The following TWIST2 variants were observed in gnomAD, a reference collection of about 807,000 sequenced individuals.
The protein encoded by TWIST2 is twist-related protein 2.
A neutral mutation model predicts 11.6 loss-of-function variants in TWIST2; 1 was observed. The observed-to-expected ratio is 0.09, with a 90% CI of 0.03 to 0.41. TWIST2 has a LOEUF of 0.41. Among genes scored for constraint, TWIST2 ranks in the 10% least tolerant of loss-of-function variants. The probability of loss-of-function intolerance (pLI) is 0.98; values close to 1 mark genes in which losing one functional copy is unlikely to be tolerated. For synonymous variants in TWIST2, 87 were observed against 96.6 expected (o/e 0.90, Z 0.58); for missense variants, 168 against 226.4 (o/e 0.74, Z 1.66).
intron 1 of TWIST2, among the ~76,000 whole-genome samples, chr2:238,869,704 G>T (rs1023584846): frequency 6.6e-6 from 1 of 152,198 alleles, no homozygotes; most frequent in Non-Finnish European, 1.5e-5. Flanking sequence ...AGCATTCTGG[G>T]AGGCTGAGGC....
chr2:238,905,428 T>G (rs979812690), intron 1 of TWIST2, among the ~76,000 whole-genome samples: 7 of 152,138 alleles, frequency 4.6e-5, no homozygotes, highest in Non-Finnish European at 5.9e-5. Flanking sequence ...ACACGGCCCA[T>G]GTCAGCAGAC....
chr2:238,851,522 A>G (rs1692240888), intron 1 of TWIST2, among the ~76,000 whole-genome samples: 1 of 152,136 alleles, frequency 6.6e-6, no homozygotes, highest in African/African-American at 2.4e-5. Flanking sequence ...CATCTTCTCT[A>G]ACTTCTGCAT....
chr2:238,862,445 T>C (rs1279183278), intron 1 of TWIST2, among the ~76,000 whole-genome samples: 1 of 152,122 alleles, frequency 6.6e-6, no homozygotes, highest in Non-Finnish European at 1.5e-5. Flanking sequence ...ATTCAGTTGG[T>C]CAATAAACGC....
At chr2:238,893,616 C>G (rs1287283893) in intron 1 of TWIST2, among the ~76,000 whole-genome samples, 1 of 152,202 alleles carries the variant, frequency 6.6e-6, no homozygotes, top group Admixed American at 6.5e-5. Flanking sequence ...TCCGTGTGCT[C>G]AGGCTCAGAA....
At chr2:238,853,702 A>G (rs1445977344) in intron 1 of TWIST2, among the ~76,000 whole-genome samples, 1 of 152,196 alleles carries the variant, frequency 6.6e-6, no homozygotes, top group South Asian at 2.1e-4. Flanking sequence ...GCGATTATTA[A>G]TGGTTGTCAC....
At chr2:238,869,994 A>T (rs1051558256) in intron 1 of TWIST2, among the ~76,000 whole-genome samples, 1 of 151,860 alleles carries the variant, frequency 6.6e-6, no homozygotes, top group Admixed American at 6.6e-5. Context: ...AGAAATTGGA[A>T]TCATTGGGCA....
At chr2:238,896,579 C>T (rs1254882277) in intron 1 of TWIST2, among the ~76,000 whole-genome samples, 14 of 152,290 alleles carry the variant, frequency 9.2e-5, no homozygotes, top group African/African-American at 3.4e-4. Flanking sequence ...CAAAAATTCC[C>T]GAGGCCCTGT....
At chr2:238,899,021 T>C (rs1294692243) in intron 1 of TWIST2, among the ~76,000 whole-genome samples, 3 of 152,254 alleles carry the variant, frequency 2.0e-5, no homozygotes, top group Non-Finnish European at 2.9e-5. Flanking sequence ...GGCTGCCATC[T>C]GTGCCCTGCT....
At chr2:238,859,299 C>A (rs1366898141) in intron 1 of TWIST2, among the ~76,000 whole-genome samples, 1 of 151,576 alleles carries the variant, frequency 6.6e-6, no homozygotes. Flanking sequence ...CAGATGACTA[C>A]ATATTGTGAT....
At chr2:238,894,118 C>T (rs1693179915) in intron 1 of TWIST2, among the ~76,000 whole-genome samples, 1 of 152,216 alleles carries the variant, frequency 6.6e-6, no homozygotes, top group Non-Finnish European at 1.5e-5. Flanking sequence ...AAGCAAGCAT[C>T]TCAACCTCTG....
At chr2:238,849,268 G>A (rs1200925882) in intron 1 of TWIST2, among the ~76,000 whole-genome samples, 1 of 152,220 alleles carries the variant, frequency 6.6e-6, no homozygotes, top group African/African-American at 2.4e-5. Context: ...CGCGCCTGGG[G>A]TCCCCGGCCG....
At chr2:238,851,267 G>A (rs978774678) in intron 1 of TWIST2, among the ~76,000 whole-genome samples, 25 of 152,340 alleles carry the variant, frequency 1.6e-4, no homozygotes, top group African/African-American at 5.8e-4. Context: ...GGGTGCTGCC[G>A]ATATCTATCC....
intron 1 of TWIST2, among the ~76,000 whole-genome samples, chr2:238,858,502 C>A (rs1692368574): frequency 6.6e-6 from 1 of 152,100 alleles, no homozygotes; most frequent in Non-Finnish European, 1.5e-5. Flanking sequence ...TGGTCAGAAC[C>A]CATTGTCTTG....
chr2:238,898,680 C>T (rs980344198), intron 1 of TWIST2, among the ~76,000 whole-genome samples: 7 of 152,238 alleles, frequency 4.6e-5, no homozygotes, highest in African/African-American at 1.7e-4. Context: ...GCTCTGACCA[C>T]TGTGGGGAGA....
intron 1 of TWIST2, among the ~76,000 whole-genome samples, chr2:238,900,986 C>CTTTT (rs1248385207): frequency 7.2e-6 from 1 of 139,668 alleles, no homozygotes; most frequent in African/African-American, 2.7e-5. Context: ...TCCCCCCCGG[C>CTTTT]TTTTTTTTTT....
At chr2:238,896,995 A>G (rs1693214897) in intron 1 of TWIST2, among the ~76,000 whole-genome samples, 1 of 152,214 alleles carries the variant, frequency 6.6e-6, no homozygotes, top group Non-Finnish European at 1.5e-5. Flanking sequence ...GCAACCTGGC[A>G]GAGCCATTCA....
At chr2:238,851,195 C>G (rs1692234984) in intron 1 of TWIST2, among the ~76,000 whole-genome samples, 1 of 152,210 alleles carries the variant, frequency 6.6e-6, no homozygotes, top group South Asian at 2.1e-4. Flanking sequence ...CTAACAGCAA[C>G]AGCAGCACAA....
chr2:238,905,856 CGTGTGTGTGCGTGCGTGTGTGTGCATGT>C (rs1693334444), intron 1 of TWIST2, among the ~76,000 whole-genome samples: 34 of 133,950 alleles, frequency 2.5e-4, no homozygotes, highest in African/African-American at 8.7e-4. Context: ...TGTGTGTGTG[CGTGTGTGTGCGTGCGTGTGTGTGCATGT>C]GCGCGCATGC....
At chr2:238,889,904 C>T (rs1194223097) in intron 1 of TWIST2, among the ~76,000 whole-genome samples, 1 of 152,230 alleles carries the variant, frequency 6.6e-6, no homozygotes, top group African/African-American at 2.4e-5. Flanking sequence ...AGTGTAAGAA[C>T]CCACATGTCG....
Sources: gnomAD v4.1 joint callset for allele counts (sites outside exome capture counted in the v4.1 genomes callset) on GRCh38, gnomAD v4.1.1 for gene constraint, MANE v1.5 for transcripts, NCBI Gene and HGNC (gene_info 2026-07-23, HGNC 2026-07-21) for gene names.